Variants in CDKAL1 observed in about 807,000 individuals in gnomAD.
CDKAL1 encodes CDKAL1 threonylcarbamoyladenosine tRNA methylthiotransferase, also known as threonylcarbamoyladenosine tRNA methylthiotransferase.
CDKAL1 carries 32 observed loss-of-function variants against 68.2 expected under a neutral mutation model. The ratio of observed to expected loss-of-function variants is 0.47; its 90% CI spans 0.35 to 0.63. CDKAL1 has a LOEUF of 0.63. Ranked by LOEUF, CDKAL1 falls within the 30% of genes least tolerant of loss-of-function variation. CDKAL1 has a pLI of 0.00. For synonymous variants in CDKAL1, 234 were observed against 244.3 expected (o/e 0.96, Z 0.39); for missense variants, 606 against 696.7 (o/e 0.87, Z 1.47).
intron 13 of CDKAL1, among the ~76,000 whole-genome samples, chr6:21,181,666 T>A (rs1163193248): frequency 6.6e-6 from 1 of 152,214 alleles, no homozygotes; most frequent in African/African-American, 2.4e-5. Flanking sequence ...AAATTTTACA[T>A]GTTGATGTTA....
At chr6:20,941,528 T>C (rs556960012) in intron 9 of CDKAL1, among the ~76,000 whole-genome samples, 88 of 152,228 alleles carry the variant, frequency 5.8e-4, no homozygotes, top group Non-Finnish European at 1.1e-3. Context: ...TCAAACTGGA[T>C]AATTCTTATT....
intron 10 of CDKAL1, among the ~76,000 whole-genome samples, chr6:20,987,714 G>A (rs945051817): frequency 1.3e-5 from 2 of 152,152 alleles, no homozygotes; most frequent in African/African-American, 2.4e-5. Context: ...AAAGGATGCT[G>A]TGCTATGACA....
Position 20,544,712 on chromosome 6 carries a change from T to A in CDKAL1, c.-5-1634T>A, listed in dbSNP as rs186206091. On this transcript the variant is annotated intron_variant, in intron 2 of 15. Transcript: ENST00000274695. The stretch of plus-strand genomic sequence containing the variant: ...CATTTCCATATAAAATTTAGGATAG[T>A]CTTATCTATACCTACAAAAAAATCT... Among the ~76,000 whole-genome samples the A allele has an allele frequency of 4.9e-4, 75 of 152,140 alleles. 1 individual carries two copies. The East Asian group carries it at 0.013, about 26-fold the overall frequency.
intron 12 of CDKAL1, among the ~76,000 whole-genome samples, chr6:21,084,879 GC>G (rs1299927269): frequency 1.3e-5 from 2 of 152,172 alleles, no homozygotes; most frequent in African/African-American, 4.8e-5. Context: ...TTGGCAGAGA[GC>G]CCCGGGAGCC....
chr6:20,840,888 G>C (rs958044141), intron 8 of CDKAL1, among the ~76,000 whole-genome samples: 31 of 152,166 alleles, frequency 2.0e-4, no homozygotes, highest in Non-Finnish European at 4.1e-4. Context: ...TGGTTTCTTG[G>C]GTTTTTGTTT....
At chr6:20,897,907 T>C (rs1380130326) in intron 9 of CDKAL1, among the ~76,000 whole-genome samples, 3 of 152,120 alleles carry the variant, frequency 2.0e-5, no homozygotes, top group African/African-American at 7.2e-5. Context: ...GTAATTAAAA[T>C]ACAATAAAAA....
intron 5 of CDKAL1, among the ~76,000 whole-genome samples, chr6:20,677,070 A>G (rs1770146611): frequency 6.8e-6 from 1 of 147,182 alleles, no homozygotes; most frequent in Non-Finnish European, 1.5e-5. Flanking sequence ...TTATTTGATA[A>G]TTTTTTTTGT....
At chr6:21,014,605 C>T (rs1005022489) in intron 11 of CDKAL1, among the ~76,000 whole-genome samples, 2 of 146,502 alleles carry the variant, frequency 1.4e-5, no homozygotes, top group South Asian at 4.7e-4. Context: ...AGCGAGACTC[C>T]GTCTCATAAA....
chr6:20,582,223 A>G (rs1228260974), intron 4 of CDKAL1, among the ~76,000 whole-genome samples: 1 of 152,134 alleles, frequency 6.6e-6, no homozygotes, highest in Non-Finnish European at 1.5e-5. Flanking sequence ...AAAAAATAGA[A>G]AAGATTTGAT....
chr6:20,662,899 A>C (rs1487089733), intron 5 of CDKAL1, among the ~76,000 whole-genome samples: 1 of 152,166 alleles, frequency 6.6e-6, no homozygotes, highest in South Asian at 2.1e-4. Flanking sequence ...AGAGGCTTAC[A>C]TGACTTAGGG....
Position 21,201,272 on chromosome 6 carries a change from A to C in CDKAL1, c.1546A>C (p.Lys516Gln), listed in dbSNP as rs1320463778. ...LAKGEVSGLT[K>Q]DFRNGLGNQL... Reference sequence around the variant, plus strand: ...AAAGGGAGAAGTCTCGGGTTTGACAAAGGTAAGTAAAAGATGCTCTCCTCT... The same window carrying C: ...AAAGGGAGAAGTCTCGGGTTTGACACAGGTAAGTAAAAGATGCTCTCCTCT... Residue 516 changes from lysine (K) to glutamine (Q), a missense_variant and splice_region_variant, in exon 15 of 16, where the codon AAG becomes CAG. Lys to Gln is a moderately conservative substitution (Grantham distance 53). Transcript: ENST00000274695. The C allele has an allele frequency of 1.2e-6, 2 of 1,603,574 alleles. No individual in the cohort carries two copies. Among genetic ancestry groups the C allele is most frequent in the African/African-American group, 2.7e-5 (2 of 74,784 alleles).
At chr6:20,699,845 A>C (rs1771262886) in intron 5 of CDKAL1, among the ~76,000 whole-genome samples, 1 of 152,174 alleles carries the variant, frequency 6.6e-6, no homozygotes, top group South Asian at 2.1e-4. Context: ...TAGTAGTTTA[A>C]TTTTACCTGT....
chr6:20,921,160 G>A (rs147512987), intron 9 of CDKAL1, among the ~76,000 whole-genome samples: 19 of 152,304 alleles, frequency 1.2e-4, no homozygotes, highest in African/African-American at 4.3e-4. Context: ...GCAAGGCACG[G>A]TGGCTCATGC....
intron 12 of CDKAL1, among the ~76,000 whole-genome samples, chr6:21,092,428 C>G (rs939320142): frequency 1.3e-5 from 2 of 151,992 alleles, no homozygotes; most frequent in Non-Finnish European, 2.9e-5. Context: ...CCCCCACTCC[C>G]CTCGACAGGC....
At chr6:20,855,442 C>CAAAAAAAAAA (rs145448785) in intron 9 of CDKAL1, among the ~76,000 whole-genome samples, 1 of 64,598 alleles carries the variant, frequency 1.5e-5, no homozygotes, top group South Asian at 7.9e-4. Flanking sequence ...GACTCCGTCT[C>CAAAAAAAAAA]AAAAAAAAAA....
chr6:20,637,398 A>G (rs779079430), intron 4 of CDKAL1, among the ~76,000 whole-genome samples: 5 of 152,122 alleles, frequency 3.3e-5, no homozygotes, highest in Non-Finnish European at 7.4e-5. Flanking sequence ...CCCCACCTCA[A>G]CTAAAAATAC....
At chr6:20,651,276 T>C (rs1768757664) in intron 5 of CDKAL1, among the ~76,000 whole-genome samples, 1 of 152,194 alleles carries the variant, frequency 6.6e-6, no homozygotes, top group South Asian at 2.1e-4. Flanking sequence ...TCACTTCCCT[T>C]GTTAGCTGTT....
At chr6:20,739,339 C>T (rs1038809509) in intron 5 of CDKAL1, among the ~76,000 whole-genome samples, 180 bp from the exon 6 acceptor site, 8 of 151,980 alleles carry the variant, frequency 5.3e-5, no homozygotes, top group Non-Finnish European at 8.8e-5. Context: ...TTTAATGCTG[C>T]GATAAATAGA....
At position 21,219,222 on chromosome 6, in the gene CDKAL1, A is replaced by G. The variant is rs1280823178; in HGVS notation, c.1549-11626A>G. On this transcript the variant is annotated intron_variant, in intron 15 of 15. Coordinates refer to ENST00000274695, the MANE Select transcript of CDKAL1 (RefSeq NM_017774.3). ...CCCCGATGGGTACCAAAATTCATGG[A>G]TGTTCAAATTCCTTATATAAAATGA... Among the ~76,000 whole-genome samples the G allele has an allele frequency of 2.0e-5, 3 of 152,174 alleles. No individual in the cohort carries two copies. The East Asian group carries it at 5.8e-4, about 29-fold the overall frequency.
Sources: gnomAD v4.1 joint callset for allele counts (sites outside exome capture counted in the v4.1 genomes callset) on GRCh38, gnomAD v4.1.1 for gene constraint, MANE v1.5 for transcripts, NCBI Gene and HGNC (gene_info 2026-07-23, HGNC 2026-07-21) for gene names.